ZNG1B: variants seen among roughly 807,000 people sequenced by gnomAD.
ZNG1B encodes the protein Zn regulated GTPase metalloprotein activator 1B, also known as zinc-regulated GTPase metalloprotein activator 1B.
At chr2:113,468,018 C>CAA in the ZNG1B span, among the ~76,000 whole-genome samples, 1 of 151,912 alleles carries the variant, frequency 6.6e-6, no homozygotes, top group Admixed American at 6.6e-5. Flanking sequence ...GAGGTAGATT[C>CAA]AATGTGAGGC....
At chr2:113,454,874 C>G in the ZNG1B span, 1 of 1,377,294 alleles carries the variant, frequency 7.3e-7, no homozygotes, top group Non-Finnish European at 1.0e-6. Flanking sequence ...CTGAAATTTT[C>G]TTTAACAAAA....
At chr2:113,494,597 T>G in the ZNG1B span, 2 of 939,126 alleles carry the variant, frequency 2.1e-6, 1 homozygote, top group Non-Finnish European at 2.5e-6. Flanking sequence ...ATCAGATAAT[T>G]CATTTTTCAT....
the ZNG1B span, among the ~76,000 whole-genome samples, chr2:113,459,874 G>A: frequency 9.4e-5 from 13 of 138,834 alleles, no homozygotes; most frequent in Non-Finnish European, 1.7e-4. Context: ...TGTTGATGAC[G>A]TTAGGGATGT....
At chr2:113,457,004 G>C in the ZNG1B span, 1 of 454,436 alleles carries the variant, frequency 2.2e-6, no homozygotes, top group Non-Finnish European at 4.4e-6. Context: ...TTGATATCAT[G>C]GGGTATCATG....
chr2:113,475,262 T>A, the ZNG1B span, among the ~76,000 whole-genome samples: 4 of 151,408 alleles, frequency 2.6e-5, no homozygotes, highest in Non-Finnish European at 4.4e-5. Flanking sequence ...TTTGTCTCTT[T>A]TGATCTTTGT....
chr2:113,487,517 G>A, the ZNG1B span, among the ~76,000 whole-genome samples: 1 of 151,694 alleles, frequency 6.6e-6, no homozygotes, highest in Non-Finnish European at 1.5e-5. Flanking sequence ...TATACCCATT[G>A]AACAGCCCCT....
the ZNG1B span, among the ~76,000 whole-genome samples, chr2:113,463,741 G>T: frequency 6.6e-6 from 1 of 151,474 alleles, no homozygotes; most frequent in Non-Finnish European, 1.5e-5. Flanking sequence ...TTTGCTTTGA[G>T]TATTACATGA....
At chr2:113,463,292 GC>G in the ZNG1B span, among the ~76,000 whole-genome samples, 19 of 152,120 alleles carry the variant, frequency 1.2e-4, no homozygotes, top group African/African-American at 4.3e-4. Context: ...ACATTCGGTA[GC>G]TATTATTATT....
the ZNG1B span, chr2:113,465,956 A>T: frequency 1.0e-6 from 1 of 984,878 alleles, no homozygotes; most frequent in South Asian, 4.7e-5. Flanking sequence ...AGACTGCCAT[A>T]AGTATTAGGC....
the ZNG1B span, among the ~76,000 whole-genome samples, chr2:113,486,813 C>T: frequency 1.1e-4 from 17 of 152,186 alleles, no homozygotes; most frequent in East Asian, 1.9e-4. Flanking sequence ...TCGTATTTTG[C>T]GACATTCTCA....
the ZNG1B span, among the ~76,000 whole-genome samples, chr2:113,474,789 T>C: frequency 6.6e-6 from 1 of 152,196 alleles, no homozygotes; most frequent in Admixed American, 6.5e-5. Context: ...TTCCATGTAG[T>C]TGAGTGGTTT....
At chr2:113,439,719 C>A in the ZNG1B span, among the ~76,000 whole-genome samples, 8 of 151,946 alleles carry the variant, frequency 5.3e-5, no homozygotes, top group Non-Finnish European at 1.0e-4. Context: ...GTGTTTTAGC[C>A]CCTTGGAATA....
chr2:113,455,510 A>G, the ZNG1B span: 6 of 967,026 alleles, frequency 6.2e-6, no homozygotes, highest in Non-Finnish European at 7.2e-6. Flanking sequence ...AGATCTTTAA[A>G]AGTATGTTGT....
At chr2:113,444,984 T>C in the ZNG1B span, 10 of 1,610,662 alleles carry the variant, frequency 6.2e-6, no homozygotes, top group South Asian at 7.7e-5. Context: ...CTTAGAGCTA[T>C]TGAGAATTTG....
chr2:113,446,753 C>G, the ZNG1B span, among the ~76,000 whole-genome samples: 1 of 142,060 alleles, frequency 7.0e-6, no homozygotes, highest in Non-Finnish European at 1.5e-5. Context: ...TACACACACA[C>G]ACACACGCAC....
the ZNG1B span, among the ~76,000 whole-genome samples, chr2:113,476,603 G>C: frequency 6.7e-6 from 1 of 149,472 alleles, no homozygotes; most frequent in Non-Finnish European, 1.5e-5. Flanking sequence ...CTGCTTTTTA[G>C]AGTTTCCAGT....
At chr2:113,490,600 GA>G in the ZNG1B span, among the ~76,000 whole-genome samples, 1 of 152,142 alleles carries the variant, frequency 6.6e-6, no homozygotes, top group Non-Finnish European at 1.5e-5. Context: ...GATCAGCCAA[GA>G]AAAGAGAGAA....
the ZNG1B span, among the ~76,000 whole-genome samples, chr2:113,459,800 A>G: frequency 6.8e-6 from 1 of 146,602 alleles, no homozygotes; most frequent in Non-Finnish European, 1.5e-5. Flanking sequence ...TGTGACAGGG[A>G]ACCTCTATTG....
the ZNG1B span, among the ~76,000 whole-genome samples, chr2:113,456,190 A>C: frequency 3.3e-5 from 5 of 152,016 alleles, no homozygotes; most frequent in African/African-American, 9.6e-5. Flanking sequence ...CTCCTTTTTT[A>C]GAGTTTAAAA....
Sources: allele counts gnomAD v4.1 joint callset (sites outside exome capture counted in the v4.1 genomes callset), GRCh38; gene constraint gnomAD v4.1.1; transcripts MANE v1.5; gene names NCBI Gene and HGNC (gene_info 2026-07-23, HGNC 2026-07-21).